The following NECAB1 variants were observed in gnomAD, a reference collection of about 807,000 sequenced individuals.
The protein encoded by NECAB1 is N-terminal EF-hand calcium binding protein 1, also known as N-terminal EF-hand calcium-binding protein 1.
NECAB1 carries 29 observed loss-of-function variants against 57.5 expected under a neutral mutation model. The ratio of observed to expected loss-of-function variants is 0.50; its 90% confidence interval spans 0.38 to 0.69. The LOEUF is 0.69. NECAB1 is among the 30% of genes least tolerant of loss of function. The probability of loss-of-function intolerance (pLI) is 0.00; values close to 1 mark genes in which losing one functional copy is unlikely to be tolerated. For synonymous variants in NECAB1, 142 were observed against 147.7 expected (o/e 0.96, Z 0.28); for missense variants, 372 against 413.8 (o/e 0.90, Z 0.88).
chr8:90,847,602 C>T (rs2129764024), intron 3 of NECAB1, among the ~76,000 whole-genome samples: 1 of 152,370 alleles, frequency 6.6e-6, no homozygotes. Flanking sequence ...GGCTCTGCTC[C>T]TGCAGCAAAC....
At chr8:90,851,071 C>A (rs1023303161) in intron 3 of NECAB1, among the ~76,000 whole-genome samples, 2 of 152,040 alleles carry the variant, frequency 1.3e-5, no homozygotes, top group Non-Finnish European at 2.9e-5. Flanking sequence ...TATAATGAGG[C>A]CTCCATGAAA....
intron 10 of NECAB1, among the ~76,000 whole-genome samples, chr8:90,942,307 C>T (rs1253584334): frequency 6.6e-6 from 1 of 152,162 alleles, no homozygotes; most frequent in Non-Finnish European, 1.5e-5. Flanking sequence ...ATTGCGTTTA[C>T]TACTGTTTCC....
chr8:90,932,105 T>C (rs1427840508), intron 8 of NECAB1, among the ~76,000 whole-genome samples: 2 of 152,152 alleles, frequency 1.3e-5, no homozygotes, highest in Non-Finnish European at 2.9e-5. Flanking sequence ...TATTTTAAGT[T>C]TTTCATACCT....
Position 90,791,964 on chromosome 8 carries a change from G to C in NECAB1, c.78G>C (p.Lys26Asn). ...TCAGCTCTGCTCTGCACCTGTCCAA[G>C]GGCATGTCGATCTTCCTCGACGTAA... The part of the protein sequence containing the change: ...EELSSALHLS[K>N]GMSIFLDILR... The change falls in exon 1 of 13, where the codon AAG becomes AAC. Residue 26 changes from lysine to asparagine, a missense_variant. Coordinates refer to ENST00000417640, the MANE Select transcript of NECAB1 (RefSeq NM_022351.5). The C allele has an allele frequency of 6.4e-7, 1 of 1,552,604 alleles. No homozygotes were observed.
At chr8:90,797,517 G>T (rs1342823886) in intron 1 of NECAB1, among the ~76,000 whole-genome samples, 1 of 152,092 alleles carries the variant, frequency 6.6e-6, no homozygotes, top group Admixed American at 6.5e-5. Flanking sequence ...AAGAAGTGAC[G>T]ATCTAAATAT....
chr8:90,846,841 G>T (rs1229402236), intron 3 of NECAB1, among the ~76,000 whole-genome samples: 3 of 152,054 alleles, frequency 2.0e-5, no homozygotes, highest in Non-Finnish European at 2.9e-5. Flanking sequence ...GGAAAAACCT[G>T]CCCCCAATGA....
intron 3 of NECAB1, among the ~76,000 whole-genome samples, chr8:90,869,337 T>G (rs1257529338): frequency 6.6e-6 from 1 of 152,174 alleles, no homozygotes; most frequent in African/African-American, 2.4e-5. Context: ...ACTAGAGTTG[T>G]GAGAAGAGGG....
At chr8:90,852,033 A>T (rs550363188) in intron 3 of NECAB1, among the ~76,000 whole-genome samples, 1 of 152,204 alleles carries the variant, frequency 6.6e-6, no homozygotes, top group South Asian at 2.1e-4. Flanking sequence ...AAAATGAATC[A>T]ATATAATTTT....
intron 4 of NECAB1, among the ~76,000 whole-genome samples, chr8:90,878,081 G>A (rs1808762631): frequency 6.6e-6 from 1 of 151,610 alleles, no homozygotes; most frequent in Admixed American, 6.6e-5. Flanking sequence ...CTGTCACCCA[G>A]GCTGGAGTGC....
In NECAB1 at chr8:90,830,215, C is replaced by T. The variant is rs529140871; in HGVS notation, c.233+5390C>T. On this transcript the variant is annotated intron_variant, in intron 3 of 12. Coordinates refer to ENST00000417640, the MANE Select transcript of NECAB1 (RefSeq NM_022351.5). ...TCTGCATGACATTGCAACTACAAAG[C>T]TTATTGCAATTCCAATAGTGGACAA... Among the ~76,000 whole-genome samples the T allele has an allele frequency of 1.1e-4, 17 of 152,170 alleles. No homozygotes were observed. The South Asian group carries it at 3.5e-3, about 32-fold the overall frequency.
chr8:90,935,094 T>C (rs1213551814), intron 9 of NECAB1, among the ~76,000 whole-genome samples: 2 of 152,168 alleles, frequency 1.3e-5, no homozygotes, highest in Non-Finnish European at 2.9e-5. Flanking sequence ...AGAAAAATCA[T>C]TTTTTAATCC....
At chr8:90,858,645 G>A (rs150655753) in intron 3 of NECAB1, among the ~76,000 whole-genome samples, 1 of 150,988 alleles carries the variant, frequency 6.6e-6, no homozygotes, top group South Asian at 2.1e-4. Context: ...AACAGCAAAT[G>A]TAATTCCTCA....
At chr8:90,903,800 T>C (rs1427911482) in intron 5 of NECAB1, 1 of 152,160 alleles carries the variant, frequency 6.6e-6, no homozygotes, top group Non-Finnish European at 1.5e-5. Flanking sequence ...AAAATGTAAG[T>C]GAAAGAGGGA....
chr8:90,947,432 G>C, intron 10 of NECAB1, among the ~76,000 whole-genome samples: 1 of 129,628 alleles, frequency 7.7e-6, no homozygotes, highest in Non-Finnish European at 1.6e-5. Flanking sequence ...AAAGAATCTC[G>C]CTCTGTTGCC....
At chr8:90,954,898 G>T (rs1810992752) in intron 12 of NECAB1, among the ~76,000 whole-genome samples, 1 of 146,118 alleles carries the variant, frequency 6.8e-6, no homozygotes, top group Non-Finnish European at 1.5e-5. Flanking sequence ...GTATGCATAT[G>T]CATATATGTA....
chr8:90,798,923 T>C (rs1049052046), intron 1 of NECAB1, among the ~76,000 whole-genome samples: 1 of 152,212 alleles, frequency 6.6e-6, no homozygotes, highest in Admixed American at 6.5e-5. Flanking sequence ...CAACTGTATA[T>C]AGGCATTCCC....
intron 2 of NECAB1, among the ~76,000 whole-genome samples, chr8:90,814,618 G>A (rs927928857): frequency 1.3e-5 from 2 of 152,006 alleles, no homozygotes; most frequent in Non-Finnish European, 2.9e-5. Flanking sequence ...TACTCAATTT[G>A]TTTTGTTCTT....
intron 1 of NECAB1, among the ~76,000 whole-genome samples, chr8:90,799,212 A>T (rs545406046): frequency 6.6e-6 from 1 of 152,122 alleles, no homozygotes; most frequent in Non-Finnish European, 1.5e-5. Flanking sequence ...TGTTGAATAC[A>T]TAGTTGGTGA....
chr8:90,837,083 C>T (rs56834391), intron 3 of NECAB1, among the ~76,000 whole-genome samples: 20,681 of 152,182 alleles, frequency 0.14, 2,521 homozygotes, highest in African/African-American at 0.33. Context: ...AAAAATTAAA[C>T]TGTCAAAAAT....
Sources: gnomAD v4.1 joint callset for allele counts (sites outside exome capture counted in the v4.1 genomes callset) on GRCh38, gnomAD v4.1.1 for gene constraint, MANE v1.5 for transcripts, NCBI Gene and HGNC (gene_info 2026-07-23, HGNC 2026-07-21) for gene names.